FLYWCH1: variants seen among roughly 807,000 people sequenced by gnomAD.
FLYWCH1 encodes FLYWCH-type zinc finger 1.
In FLYWCH1, 75 loss-of-function variants were observed where a neutral mutation model predicts 66.4. That is an observed-to-expected ratio of 1.13 (90% CI 0.94 to 1.37). The LOEUF is 1.37. Among genes scored for constraint, FLYWCH1 ranks in the 40% most tolerant of loss-of-function variants. The pLI is 0.00. For synonymous variants in FLYWCH1, 595 were observed against 429.9 expected (o/e 1.38, Z -4.75); for missense variants, 1,334 against 1,001.8 (o/e 1.33, Z -4.48).
At chr16:2,932,572 A>G (rs2070804881) in intron 4 of FLYWCH1, among the ~76,000 whole-genome samples, 1 of 152,114 alleles carries the variant, frequency 6.6e-6, no homozygotes, top group South Asian at 2.1e-4. Flanking sequence ...TAAGGATCTG[A>G]GGTGGCCCCT....
At chr16:2,934,802 T>C (rs752163749) in intron 6 of FLYWCH1, 5 of 350,996 alleles carry the variant, frequency 1.4e-5, no homozygotes, top group Non-Finnish European at 2.8e-5. Flanking sequence ...ACCCCACAAG[T>C]AACTAAGCAA....
chr16:2,941,666 C>T (rs1320429185), intron 9 of FLYWCH1, among the ~76,000 whole-genome samples: 1 of 151,808 alleles, frequency 6.6e-6, no homozygotes, highest in African/African-American at 2.4e-5. Flanking sequence ...CGCTTGAGCC[C>T]AGGAGTTCCA....
At chr16:2,939,904 G>C (rs1060484) in intron 8 of FLYWCH1, 128 bp from the exon 9 acceptor site, 4 of 1,092,934 alleles carry the variant, frequency 3.7e-6, no homozygotes, top group African/African-American at 3.2e-5. Flanking sequence ...AATTCCCAGC[G>C]TTGCTTCACC....
intron 9 of FLYWCH1, among the ~76,000 whole-genome samples, chr16:2,944,861 C>G (rs1270173373): frequency 2.0e-5 from 3 of 151,880 alleles, no homozygotes; most frequent in Non-Finnish European, 2.9e-5. Context: ...AAAACGGCCT[C>G]AGGCAGGTCC....
In FLYWCH1 at chr16:2,948,780, C is replaced by T; in HGVS notation, c.*53C>T. 1 of 1,524,972 alleles carries T rather than the reference C, an allele frequency of 6.6e-7. No homozygotes were observed. Among genetic ancestry groups the T allele is most frequent in the Non-Finnish European group, 9.1e-7 (1 of 1,100,328 alleles). 94.5% of individuals were successfully genotyped at this position (1,524,972 alleles called of 1,614,324 possible). ...CGCCCACCCAAGGTGGCTTCACATC[C>T]ACACAGGCACTTCCCATCCACCTAG... On this transcript the variant is annotated 3_prime_UTR_variant, in exon 10 of 10. Transcript: ENST00000253928.
intron 9 of FLYWCH1, among the ~76,000 whole-genome samples, chr16:2,948,287 G>A (rs992026785): frequency 6.6e-6 from 1 of 152,064 alleles, no homozygotes; most frequent in African/African-American, 2.4e-5. Context: ...AGCCAGGTGA[G>A]GTGGCTCATG....
At chr16:2,931,305 TAAAAAAA>T (rs150704073) in intron 4 of FLYWCH1, among the ~76,000 whole-genome samples, 7 of 87,464 alleles carry the variant, frequency 8.0e-5, no homozygotes, top group Non-Finnish European at 1.5e-4. Flanking sequence ...TCCATCTCAG[TAAAAAAA>T]AAAAAAAAAA....
rs914859378 is a variant in FLYWCH1 at position 2,934,100 on chromosome 16, A to G, written c.1513+121A>G. The G allele has an allele frequency of 4.0e-6, 5 of 1,240,304 alleles. No homozygotes were observed. The African/African-American group carries it at 4.5e-5, about 11-fold the overall frequency. 76.8% of individuals were successfully genotyped at this position (1,240,304 alleles called of 1,614,324 possible). On this transcript the variant is annotated intron_variant, in intron 6 of 9. Transcript: ENST00000253928. Reference sequence around the variant, plus strand: ...TCCTCTTCCCTTCTTTGAACATCCTAGAAGGAACTATGGCCCTGGCCTCCT... The same window carrying G: ...TCCTCTTCCCTTCTTTGAACATCCTGGAAGGAACTATGGCCCTGGCCTCCT...
intron 3 of FLYWCH1, 21 bp downstream of exon 3, chr16:2,930,031 C>T: frequency 6.3e-7 from 1 of 1,586,900 alleles, no homozygotes; most frequent in Admixed American, 1.7e-5. Context: ...GCTTCCCGCC[C>T]CTGCCCAGCC....
intron 2 of FLYWCH1, among the ~76,000 whole-genome samples, chr16:2,923,381 G>A (rs2070446487): frequency 6.6e-6 from 1 of 152,134 alleles, no homozygotes; most frequent in Non-Finnish European, 1.5e-5. Context: ...CGAGTAGTTG[G>A]GATTACAGGC....
intron 9 of FLYWCH1, among the ~76,000 whole-genome samples, chr16:2,942,031 A>T (rs937019495): frequency 2.6e-5 from 4 of 151,086 alleles, no homozygotes; most frequent in African/African-American, 9.7e-5. Context: ...AAACTGAAGC[A>T]GAAGGAAGGA....
At chr16:2,912,586 C>T (rs931943398) in intron 1 of FLYWCH1, among the ~76,000 whole-genome samples, 2 of 152,172 alleles carry the variant, frequency 1.3e-5, no homozygotes, top group African/African-American at 4.8e-5. Context: ...GACCCACAGC[C>T]GACACTGAGA....
At chr16:2,923,949 T>A (rs2070466858) in intron 2 of FLYWCH1, among the ~76,000 whole-genome samples, 2 of 151,916 alleles carry the variant, frequency 1.3e-5, no homozygotes, top group South Asian at 4.2e-4. Context: ...TGAGGCAGAA[T>A]AGCTTGAAAC....
At chr16:2,913,170 C>G (rs1158206117) in intron 1 of FLYWCH1, 1 of 152,102 alleles carries the variant, frequency 6.6e-6, no homozygotes, top group African/African-American at 2.4e-5. Context: ...CTGTCAGCAC[C>G]CTATGTGGAG....
chr16:2,939,328 C>T (rs2071160768), intron 8 of FLYWCH1, among the ~76,000 whole-genome samples: 1 of 152,010 alleles, frequency 6.6e-6, no homozygotes, highest in African/African-American at 2.4e-5. Flanking sequence ...GCCTGTAATC[C>T]CAGCTACGCT....
intron 2 of FLYWCH1, among the ~76,000 whole-genome samples, chr16:2,919,426 C>T (rs1012100989): frequency 6.6e-6 from 1 of 151,960 alleles, no homozygotes; most frequent in Non-Finnish European, 1.5e-5. Flanking sequence ...CCACCACACC[C>T]AGCTAATTTT....
chr16:2,941,348 A>ACTT (rs1267003560), intron 9 of FLYWCH1, among the ~76,000 whole-genome samples: 1 of 152,194 alleles, frequency 6.6e-6, no homozygotes, highest in East Asian at 1.9e-4. Context: ...TTGAAATAAA[A>ACTT]CTTATGGGAT....
At chr16:2,923,014 T>C (rs2070429772) in intron 2 of FLYWCH1, 3 of 470,806 alleles carry the variant, frequency 6.4e-6, no homozygotes, top group African/African-American at 2.0e-5. Flanking sequence ...GGATCTTTTT[T>C]TGGGGGGGCT....
intron 7 of FLYWCH1, among the ~76,000 whole-genome samples, 162 bp downstream of exon 7, chr16:2,937,546 G>A (rs746662870): frequency 2.6e-5 from 4 of 152,182 alleles, no homozygotes; most frequent in African/African-American, 4.8e-5. Context: ...TGCGGGCTCC[G>A]AGCTCCTGCA....
Sources: gnomAD v4.1 joint callset for allele counts (sites outside exome capture counted in the v4.1 genomes callset) on GRCh38, gnomAD v4.1.1 for gene constraint, MANE v1.5 for transcripts, NCBI Gene and HGNC (gene_info 2026-07-23, HGNC 2026-07-21) for gene names.